SRFBP1: variants seen among roughly 807,000 people sequenced by gnomAD.
The protein encoded by SRFBP1 is serum response factor-binding protein 1.
A neutral mutation model predicts 45.5 loss-of-function variants in SRFBP1; 47 were observed. That is an observed-to-expected ratio of 1.03 (90% confidence interval 0.82 to 1.32). SRFBP1 has a LOEUF of 1.32. Ranked by LOEUF, SRFBP1 falls within the 40% of genes most tolerant of loss-of-function variation. The pLI, the probability that SRFBP1 is intolerant of heterozygous loss-of-function variation, is 0.00. For synonymous variants in SRFBP1, 203 were observed against 166.3 expected (o/e 1.22, Z -1.70); for missense variants, 621 against 484.6 (o/e 1.28, Z -2.64).
intron 4 of SRFBP1, among the ~76,000 whole-genome samples, chr5:122,018,058 G>C (rs896038571): frequency 6.6e-6 from 1 of 152,198 alleles, no homozygotes; most frequent in Non-Finnish European, 1.5e-5. Flanking sequence ...TGCTAGTTGA[G>C]ATGACATTTA....
intron 2 of SRFBP1, among the ~76,000 whole-genome samples, chr5:122,058,727 A>T (rs919374796): frequency 1.3e-5 from 2 of 152,122 alleles, no homozygotes; most frequent in African/African-American, 4.8e-5. Context: ...CAATGTAGAA[A>T]TTTGGCCTCT....
chr5:122,046,190 C>G (rs1010303222), intron 2 of SRFBP1, among the ~76,000 whole-genome samples: 1 of 151,986 alleles, frequency 6.6e-6, no homozygotes, highest in Non-Finnish European at 1.5e-5. Flanking sequence ...AATGCTATCC[C>G]TCCACCCCCC....
chr5:121,976,000 C>T (rs1245734333), intron 3 of SRFBP1, among the ~76,000 whole-genome samples: 1 of 151,772 alleles, frequency 6.6e-6, no homozygotes, highest in Non-Finnish European at 1.5e-5. Flanking sequence ...GACTGTTTTA[C>T]TGTAGAACTT....
intron 1 of SRFBP1, 145 bp downstream of exon 1, chr5:121,962,213 T>C (rs908073153): frequency 1.1e-6 from 1 of 944,144 alleles, no homozygotes; most frequent in African/African-American, 1.6e-5. Flanking sequence ...ACTTGGAGTT[T>C]GGCAACCGGT....
At position 122,065,138 on chromosome 5, in the gene SRFBP1, G is replaced by C. The variant is rs1344830090; in HGVS notation, n.312-10177G>C. On this transcript the variant is annotated intron_variant and non_coding_transcript_variant, in intron 2 of 2. Coordinates refer to the SRFBP1 transcript ENST00000504881. Reference sequence around the variant, plus strand: ...CTGTATTGTCTACTGGTAAGCTTGTGCCCTGGTGGCTAAGGATCATATGTA... The same window carrying C: ...CTGTATTGTCTACTGGTAAGCTTGTCCCCTGGTGGCTAAGGATCATATGTA... 3 of 152,028 alleles carry C rather than the reference G, an allele frequency of 2.0e-5. No individual in the cohort carries two copies. The East Asian group carries it at 5.8e-4, about 29-fold the overall frequency. 9.4% of individuals were successfully genotyped at this position (152,028 alleles called of 1,614,324 possible).
At chr5:122,053,509 A>G (rs1024687411) in intron 2 of SRFBP1, among the ~76,000 whole-genome samples, 7 of 152,050 alleles carry the variant, frequency 4.6e-5, no homozygotes, top group Admixed American at 1.3e-4. Context: ...CAGAAGCTCT[A>G]GCAGGCATTG....
chr5:121,981,024 C>T (rs1752397654), intron 3 of SRFBP1, among the ~76,000 whole-genome samples: 2 of 152,094 alleles, frequency 1.3e-5, no homozygotes, highest in Non-Finnish European at 2.9e-5. Flanking sequence ...TATAGCTTTC[C>T]ATCTTCTTTC....
At chr5:122,071,962 T>C (rs76358196) in intron 2 of SRFBP1, among the ~76,000 whole-genome samples, 2,276 of 152,286 alleles carry the variant, frequency 0.015, 59 homozygotes, top group African/African-American at 0.051. Context: ...ATTATCTAGA[T>C]TCCTACCTTG....
At chr5:122,077,528 G>T, downstream of SRFBP1, 1 of 1,613,734 alleles carries the variant, frequency 6.2e-7, no homozygotes, top group South Asian at 1.1e-5. This position sits in a 1 kb window ranked among gnomAD's most constrained non-coding sequence, Gnocchi z 4.9. Flanking sequence ...GTTACTGAGC[G>T]CAGGAACTTC....
At chr5:122,030,023 A>G (rs186589738), downstream of SRFBP1, among the ~76,000 whole-genome samples, 9 of 152,322 alleles carry the variant, frequency 5.9e-5, no homozygotes, top group East Asian at 1.5e-3. Flanking sequence ...AGCTAGTTTC[A>G]GAATTGCTAA....
At chr5:122,013,890 G>A (rs1753143267) in intron 4 of SRFBP1, among the ~76,000 whole-genome samples, 1 of 152,110 alleles carries the variant, frequency 6.6e-6, no homozygotes, top group Non-Finnish European at 1.5e-5. Context: ...GCTGGGGACA[G>A]GAGTAGTACA....
At position 122,020,068 on chromosome 5, in the gene SRFBP1, A is replaced by T; in HGVS notation, c.353-20A>T. ...ATATGTTTCAGTGCTAAAATGAGTGATGCACTGTTTCTCTTGCAGCTGCTG... is the reference window on the plus strand; with the variant it reads ...ATATGTTTCAGTGCTAAAATGAGTGTTGCACTGTTTCTCTTGCAGCTGCTG... On this transcript the variant is annotated intron_variant, in intron 5 of 7. Coordinates refer to ENST00000339397, the MANE Select transcript of SRFBP1 (RefSeq NM_152546.3). The T allele has an allele frequency of 1.4e-6, 2 of 1,468,300 alleles. No individual in the cohort carries two copies. The allele number at this position is 1,468,300 out of a possible 1,614,324, so 91.0% of individuals were successfully genotyped here.
At chr5:122,039,630 G>C (rs1753742508) in intron 2 of SRFBP1, among the ~76,000 whole-genome samples, 1 of 152,062 alleles carries the variant, frequency 6.6e-6, no homozygotes, top group Non-Finnish European at 1.5e-5. Flanking sequence ...GATATACTGG[G>C]CAATTTTCAA....
At chr5:121,999,411 A>T (rs562360673) in intron 4 of SRFBP1, among the ~76,000 whole-genome samples, 15 of 152,110 alleles carry the variant, frequency 9.9e-5, no homozygotes, top group Non-Finnish European at 2.1e-4. Context: ...TAAATATTTC[A>T]TGTGCACTTG....
At chr5:122,059,332 C>T (rs945073115) in intron 2 of SRFBP1, among the ~76,000 whole-genome samples, 2 of 152,178 alleles carry the variant, frequency 1.3e-5, no homozygotes, top group African/African-American at 2.4e-5. Flanking sequence ...GAGCAGGTTG[C>T]CTAAATTAGT....
chr5:121,995,549 A>G (rs1260342180), intron 4 of SRFBP1, among the ~76,000 whole-genome samples: 1 of 152,226 alleles, frequency 6.6e-6, no homozygotes, highest in Admixed American at 6.5e-5. Flanking sequence ...CTAAATGCTG[A>G]CAAGAGAAAG....
At chr5:122,057,126 A>G (rs1444169637) in intron 2 of SRFBP1, among the ~76,000 whole-genome samples, 3 of 152,204 alleles carry the variant, frequency 2.0e-5, no homozygotes, top group Non-Finnish European at 4.4e-5. Context: ...AACCTCTTTG[A>G]AAATGTTCTA....
chr5:122,075,309 C>T, intron 2 of SRFBP1: 1 of 1,177,704 alleles, frequency 8.5e-7, no homozygotes, highest in Non-Finnish European at 1.2e-6. Flanking sequence ...AATTTTCTCC[C>T]TTCAGGTAAG....
At chr5:121,996,797 A>G (rs1451226910) in intron 4 of SRFBP1, among the ~76,000 whole-genome samples, 1 of 133,130 alleles carries the variant, frequency 7.5e-6, no homozygotes, top group Non-Finnish European at 1.6e-5. Context: ...CCTTAAGCTG[A>G]TAAGCAACTT....
Sources: allele counts gnomAD v4.1 joint callset (sites outside exome capture counted in the v4.1 genomes callset), GRCh38; gene constraint gnomAD v4.1.1; non-coding constraint Gnocchi (gnomAD v3.1); transcripts MANE v1.5; gene names NCBI Gene and HGNC (gene_info 2026-07-23, HGNC 2026-07-21).